The following BPTF variants were observed in gnomAD, a reference collection of about 807,000 sequenced individuals.
BPTF encodes the protein bromodomain PHD finger transcription factor.
Under a neutral mutation model 292.5 loss-of-function variants are expected in BPTF, and 18 were observed. The ratio of observed to expected loss-of-function variants is 0.06; its 90% CI spans 0.04 to 0.09. BPTF has a LOEUF of 0.09. Ranked by LOEUF, BPTF falls within the 10% of genes least tolerant of loss-of-function variation. BPTF has a pLI of 1.00. For synonymous variants in BPTF, 1,225 were observed against 1,251.9 expected (o/e 0.98, Z 0.45); for missense variants, 2,726 against 3,498.7 (o/e 0.78, Z 5.57).
At chr17:67,897,146 G>A (rs1209123283) in intron 7 of BPTF, among the ~76,000 whole-genome samples, 2 of 150,828 alleles carry the variant, frequency 1.3e-5, no homozygotes, top group East Asian at 4.0e-4. Flanking sequence ...GACGAACATG[G>A]AGAAACCCTT....
intron 15 of BPTF, among the ~76,000 whole-genome samples, chr17:67,925,465 A>C (rs2063790278): frequency 6.6e-6 from 1 of 152,112 alleles, no homozygotes; most frequent in African/African-American, 2.4e-5. Context: ...GGGGTTTGAG[A>C]CCAGCCTGGG....
At chr17:67,844,472 C>G (rs182370239) in intron 1 of BPTF, among the ~76,000 whole-genome samples, 4 of 152,036 alleles carry the variant, frequency 2.6e-5, no homozygotes, top group African/African-American at 9.6e-5. Flanking sequence ...TGGTCTCGAT[C>G]TCCTGACCTC....
At chr17:67,968,215 A>AT (rs1281904869) in intron 26 of BPTF, among the ~76,000 whole-genome samples, 4 of 151,324 alleles carry the variant, frequency 2.6e-5, no homozygotes, top group South Asian at 2.1e-4. Flanking sequence ...CCAGCTAAGC[A>AT]TTTTTTTTAA....
At chr17:67,905,443 A>C (rs2062114789) in intron 9 of BPTF, among the ~76,000 whole-genome samples, 1 of 152,058 alleles carries the variant, frequency 6.6e-6, no homozygotes, top group Non-Finnish European at 1.5e-5. Context: ...ACAGTGGCTT[A>C]CACCTATAAT....
At chr17:67,842,227 A>G (rs551335376) in intron 1 of BPTF, among the ~76,000 whole-genome samples, 10 of 152,246 alleles carry the variant, frequency 6.6e-5, no homozygotes, top group Admixed American at 1.3e-4. Context: ...ACATAGACAT[A>G]TATCTACATA....
intron 23 of BPTF, among the ~76,000 whole-genome samples, chr17:67,954,535 C>A (rs1237839351): frequency 4.7e-4 from 72 of 152,272 alleles, no homozygotes; most frequent in Middle Eastern, 3.4e-3. Flanking sequence ...CCCAGAAACC[C>A]TAATGTTAGT....
At chr17:67,874,205 G>A (rs965307234) in intron 3 of BPTF, among the ~76,000 whole-genome samples, 3 of 152,174 alleles carry the variant, frequency 2.0e-5, no homozygotes, top group African/African-American at 7.2e-5. Context: ...TCTGTATCCC[G>A]TGGTCTATAA....
At chr17:67,958,726 A>G (rs2067184264) in intron 23 of BPTF, among the ~76,000 whole-genome samples, 1 of 151,986 alleles carries the variant, frequency 6.6e-6, no homozygotes, top group Non-Finnish European at 1.5e-5. Flanking sequence ...GCACTTTGGG[A>G]GGCCGAGGCG....
intron 7 of BPTF, among the ~76,000 whole-genome samples, chr17:67,899,881 G>A (rs1226315525): frequency 6.6e-6 from 1 of 152,064 alleles, no homozygotes; most frequent in Non-Finnish European, 1.5e-5. Flanking sequence ...CACACACATA[G>A]GTTCTAAAAG....
chr17:67,948,016 A>T lies in BPTF; in HGVS notation c.7701-65A>T. 4 of 1,481,678 alleles carry T rather than the reference A, an allele frequency of 2.7e-6. No homozygotes were observed. The South Asian group carries it at 4.8e-5, about 18-fold the overall frequency. 91.8% of individuals were successfully genotyped at this position (1,481,678 alleles called of 1,614,324 possible). On this transcript the variant is annotated intron_variant, in intron 22 of 27. Transcript: ENST00000306378. ...TGTCTCATCTGTAGAGGCATAGAAGAATGATGTCTTAAGCCTTTCAAAATG... is the reference window on the plus strand; with the variant it reads ...TGTCTCATCTGTAGAGGCATAGAAGTATGATGTCTTAAGCCTTTCAAAATG...
chr17:67,893,403 C>T lies in BPTF; in HGVS notation c.2089C>T (p.Arg697Trp), dbSNP rs766681804. 21 of 1,613,818 alleles carry T rather than the reference C, an allele frequency of 1.3e-5. No homozygotes were observed. The highest frequency in any genetic ancestry group is 1.2e-4 in the South Asian group (11 of 91,078). The change falls in exon 6 of 28, where the codon CGG (arginine) becomes TGG (tryptophan). Residue 697 changes from arginine (R) to tryptophan (W), a missense_variant. Physicochemically the swap from Arg to Trp is moderately radical, Grantham distance 101. Transcript: ENST00000306378. ...AGTTAACTCTCAAGGAGAAATTTCA[C>T]GGTTGAGCACCAAAAAGGAAGTGAT... is the stretch of plus-strand genomic sequence containing the variant. ...LVVNSQGEIS[R>W]LSTKKEVIMK... is the part of the protein sequence containing the mutation.
Position 67,982,388 on chromosome 17 carries a change from A to G in BPTF, c.*100A>G. On this transcript the variant is annotated 3_prime_UTR_variant, in exon 28 of 28. Transcript: ENST00000306378. The stretch of plus-strand genomic sequence containing the variant: ...ATGTTTTTAGTCAGGCTATCCTGAC[A>G]AGACTTGACCTAAACTTCGTTTTTA... 4 of 1,153,890 alleles carry G rather than the reference A, an allele frequency of 3.5e-6. No individual in the cohort carries two copies. Among genetic ancestry groups the G allele is most frequent in the Non-Finnish European group, 5.1e-6 (4 of 789,038 alleles). 71.5% of individuals were successfully genotyped at this position (1,153,890 alleles called of 1,614,324 possible). A position where few individuals can be genotyped will look rare whatever the true frequency, so the allele number is the denominator to read the frequency against.
At chr17:67,928,886 C>T (rs1310063612) in intron 16 of BPTF, 3 of 1,138,790 alleles carry the variant, frequency 2.6e-6, no homozygotes, top group East Asian at 8.1e-5. Flanking sequence ...TGCATTGGTG[C>T]CCTTTCCTAG....
intron 18 of BPTF, 51 bp downstream of exon 18, chr17:67,932,070 A>G (rs2064441789): frequency 2.7e-6 from 4 of 1,471,632 alleles, no homozygotes; most frequent in Non-Finnish European, 3.8e-6. Context: ...CCAGTCTAGG[A>G]AATACGTAAT....
At chr17:67,979,169 C>CAAAAAAAAAAAAA (rs11376410) in intron 27 of BPTF, among the ~76,000 whole-genome samples, 18 of 72,560 alleles carry the variant, frequency 2.5e-4, no homozygotes, top group African/African-American at 1.4e-3. Flanking sequence ...GACCCTGTCT[C>CAAAAAAAAAAAAA]AAAAAAAAAA....
chr17:67,846,955 C>T (rs1270374123), intron 1 of BPTF, among the ~76,000 whole-genome samples: 1 of 152,096 alleles, frequency 6.6e-6, no homozygotes, highest in African/African-American at 2.4e-5. Context: ...CCCGCCTTGG[C>T]CTCCCAAAGT....
intron 3 of BPTF, among the ~76,000 whole-genome samples, chr17:67,867,495 C>T (rs1437590724): frequency 1.3e-5 from 2 of 152,144 alleles, no homozygotes; most frequent in East Asian, 3.9e-4. Context: ...AGTATTGATA[C>T]ACTGTTACTA....
chr17:67,944,038 A>G (rs2065606912), intron 19 of BPTF, 112 bp from the exon 20 acceptor site: 2 of 820,470 alleles, frequency 2.4e-6, no homozygotes, highest in African/African-American at 1.7e-5. Flanking sequence ...ACATTCAAAT[A>G]TGTATTTTCA....
chr17:67,981,447 T>G, intron 27 of BPTF: 1 of 1,238,162 alleles, frequency 8.1e-7, no homozygotes, highest in Non-Finnish European at 1.0e-6. Flanking sequence ...TTGTGATATC[T>G]TTAGTCTGAA....
Sources: allele counts gnomAD v4.1 joint callset (sites outside exome capture counted in the v4.1 genomes callset), GRCh38; gene constraint gnomAD v4.1.1; transcripts MANE v1.5; gene names NCBI Gene and HGNC (gene_info 2026-07-23, HGNC 2026-07-21).